UTP4: variants seen among roughly 807,000 people sequenced by gnomAD.
UTP4 encodes U3 small nucleolar RNA-associated protein 4 homolog.
Under a neutral mutation model 82.4 loss-of-function variants are expected in UTP4, and 45 were observed. The observed-to-expected ratio is 0.55, with a 90% confidence interval of 0.43 to 0.70. The LOEUF (loss-of-function observed/expected upper bound fraction) is 0.70, where lower values mean the gene tolerates loss of function less well. Ranked by LOEUF, UTP4 falls within the 30% of genes least tolerant of loss-of-function variation. The pLI is 0.00. For missense variants in UTP4, 819 were observed against 858.3 expected (o/e 0.95, Z 0.57); for synonymous variants, 348 against 300.3 (o/e 1.16, Z -1.64).
intron 16 of UTP4, among the ~76,000 whole-genome samples, chr16:69,168,125 G>C (rs1004920507): frequency 1.3e-5 from 2 of 152,134 alleles, no homozygotes; most frequent in African/African-American, 4.8e-5. Context: ...GACCTTTTAT[G>C]AGTGAACTTA....
chr16:69,137,706 TAG>T (rs529382338), intron 3 of UTP4, 93 bp from the exon 4 acceptor site: 9 of 764,310 alleles, frequency 1.2e-5, no homozygotes, highest in East Asian at 5.1e-5. Context: ...GAAGAGAGAA[TAG>T]AGAGAGTGTG....
rs557670930 is a variant in UTP4 at position 69,149,058 on chromosome 16, A to G, written c.739-1479A>G. On this transcript the variant is annotated intron_variant, in intron 6 of 16. Transcript: ENST00000314423. ...GTCAGGAGTTTGAGACCAGCCTGGC[A>G]AACGTGGTAAAACCCTGTCTATACT... 2.0e-5 allele frequency among the ~76,000 whole-genome samples: 3 copies of G among 151,590 alleles called. No homozygotes were observed. The South Asian group carries it at 6.2e-4, about 32-fold the overall frequency.
intron 16 of UTP4, chr16:69,167,486 TG>T: frequency 2.7e-6 from 1 of 373,544 alleles, no homozygotes; most frequent in Non-Finnish European, 5.1e-6. Flanking sequence ...TTTTACTTGT[TG>T]GAGTGTTCCA....
intron 6 of UTP4, among the ~76,000 whole-genome samples, chr16:69,146,144 A>T (rs999602951): frequency 5.9e-5 from 9 of 151,740 alleles, no homozygotes; most frequent in African/African-American, 1.9e-4. Context: ...TAGTCTTTTT[A>T]CCATTAGTTT....
At chr16:69,139,603 C>A in intron 4 of UTP4, 1 of 169,186 alleles carries the variant, frequency 5.9e-6, no homozygotes, top group Non-Finnish European at 1.2e-5. Flanking sequence ...CCCACTGCGG[C>A]ACTCCAGCCT....
chr16:69,132,693 A>T lies in UTP4; in HGVS notation c.-3+4A>T, dbSNP rs1962651190. Reference sequence around the variant, plus strand: ...GAAGGGGAGCGTGGGGCCGCTGGTGAGTTGGGGAAGGGGCGTGGGAAGCGG... The same window carrying T: ...GAAGGGGAGCGTGGGGCCGCTGGTGTGTTGGGGAAGGGGCGTGGGAAGCGG... On this transcript the variant is annotated splice_donor_region_variant and intron_variant, in intron 1 of 16. Transcript: ENST00000314423. 3.2e-6 allele frequency: 1 copy of T among 316,074 alleles called. No homozygotes were observed. Among genetic ancestry groups the T allele is most frequent in the Non-Finnish European group, 6.2e-6 (1 of 162,342 alleles). 19.6% of individuals were successfully genotyped at this position (316,074 alleles called of 1,614,324 possible).
At chr16:69,151,022 T>G (rs1963248788) in intron 8 of UTP4, 118 bp downstream of exon 8, 1 of 804,042 alleles carries the variant, frequency 1.2e-6, no homozygotes, top group Non-Finnish European at 2.1e-6. Context: ...TTTTTTTTTT[T>G]TTGAGACAGA....
chr16:69,135,003 G>A (rs1464845239), intron 2 of UTP4, among the ~76,000 whole-genome samples: 1 of 149,842 alleles, frequency 6.7e-6, no homozygotes, highest in Non-Finnish European at 1.5e-5. Flanking sequence ...CTTTTTCTTG[G>A]TCTTGTTCTT....
At chr16:69,168,214 A>T (rs1963748634) in intron 16 of UTP4, among the ~76,000 whole-genome samples, 1 of 151,934 alleles carries the variant, frequency 6.6e-6, no homozygotes, top group Non-Finnish European at 1.5e-5. Context: ...AGGTGGGCGG[A>T]TCACGAGTTC....
intron 5 of UTP4, among the ~76,000 whole-genome samples, chr16:69,141,157 C>T (rs1473206993): frequency 6.6e-6 from 1 of 152,170 alleles, no homozygotes; most frequent in Admixed American, 6.5e-5. Flanking sequence ...AAGTCCCTCC[C>T]GGTGCCTTCT....
At chr16:69,160,802 C>T (rs1175984966) in intron 13 of UTP4, among the ~76,000 whole-genome samples, 1 of 151,926 alleles carries the variant, frequency 6.6e-6, no homozygotes, top group Non-Finnish European at 1.5e-5. Context: ...CACCGTGTTG[C>T]TCAGGCTGAC....
At chr16:69,135,869 T>C (rs1484842804) in intron 2 of UTP4, among the ~76,000 whole-genome samples, 1 of 151,508 alleles carries the variant, frequency 6.6e-6, no homozygotes, top group Non-Finnish European at 1.5e-5. Context: ...CTACTAAAAA[T>C]ACAAAAAAAA....
chr16:69,140,916 C>A (rs887151394), intron 5 of UTP4, among the ~76,000 whole-genome samples: 2 of 152,142 alleles, frequency 1.3e-5, no homozygotes, highest in Non-Finnish European at 2.9e-5. Flanking sequence ...TCCTCCCGAT[C>A]CTCCCAGTAT....
At chr16:69,161,433 GTCTTTGAGCCTTGCC>G (rs947315488) in intron 13 of UTP4, among the ~76,000 whole-genome samples, 1 of 152,256 alleles carries the variant, frequency 6.6e-6, no homozygotes, top group Non-Finnish European at 1.5e-5. Context: ...CTGAGCACTT[GTCTTTGAGCCTTGCC>G]TGGCATTTAA....
At position 69,155,877 on chromosome 16, in the gene UTP4, G is replaced by T; in HGVS notation, c.1171G>T (p.Glu391Ter). Residue 391 changes from glutamate to a stop codon, truncating the protein, a stop_gained, in exon 11 of 17, where the codon GAG (glutamate) becomes TAG (stop). Transcript: ENST00000314423. LOFTEE classifies it high-confidence loss of function. ...HLLHLKTKGP[E>*]NIICSCISPC... is the part of the protein sequence containing the mutation. ...TGATTCCTGATATTGCCAGGGTCCT[G>T]AGAACATTATCTGTAGCTGTATCTC... 1 of 1,614,134 alleles carries T rather than the reference G, an allele frequency of 6.2e-7. No individual in the cohort carries two copies.
chr16:69,153,059 G>C (rs1258506156), intron 8 of UTP4, among the ~76,000 whole-genome samples: 5 of 152,148 alleles, frequency 3.3e-5, no homozygotes, highest in African/African-American at 4.8e-5. Flanking sequence ...TGGCCCTTCA[G>C]CTTCTTTTTG....
chr16:69,148,284 A>G (rs1337505358), intron 6 of UTP4, among the ~76,000 whole-genome samples: 3 of 149,848 alleles, frequency 2.0e-5, no homozygotes, highest in African/African-American at 4.9e-5. Flanking sequence ...TTTAATAGAG[A>G]CGGGGTTTCA....
At chr16:69,143,002 A>G (rs990766609) in intron 5 of UTP4, among the ~76,000 whole-genome samples, 176 bp from the exon 6 acceptor site, 8 of 152,054 alleles carry the variant, frequency 5.3e-5, no homozygotes, top group African/African-American at 1.9e-4. Flanking sequence ...CACCTACCAT[A>G]TCATGCTTAC....
intron 5 of UTP4, 100 bp from the exon 6 acceptor site, chr16:69,143,078 A>T: frequency 2.3e-6 from 3 of 1,291,760 alleles, no homozygotes; most frequent in Non-Finnish European, 3.4e-6. Flanking sequence ...GGCTGGCCTT[A>T]AACTCCAGGG....
Sources: gnomAD v4.1 joint callset for allele counts (sites outside exome capture counted in the v4.1 genomes callset) on GRCh38, gnomAD v4.1.1 for gene constraint, MANE v1.5 for transcripts, NCBI Gene and HGNC (gene_info 2026-07-23, HGNC 2026-07-21) for gene names.